The following EML4 variants were observed in gnomAD, a reference collection of about 807,000 sequenced individuals.
The protein encoded by EML4 is EMAP like 4, also known as echinoderm microtubule-associated protein-like 4.
A neutral mutation model predicts 129.0 loss-of-function variants in EML4; 72 were observed. The observed-to-expected ratio is 0.56, with a 90% CI of 0.46 to 0.68. The LOEUF (loss-of-function observed/expected upper bound fraction) is 0.68. Ranked by LOEUF, EML4 falls within the 30% of genes least tolerant of loss-of-function variation. The pLI is 0.00. For synonymous variants in EML4, 532 were observed against 405.0 expected (o/e 1.31, Z -3.77); for missense variants, 1,363 against 1,190.6 (o/e 1.14, Z -2.13).
At position 42,331,176 on chromosome 2, in the gene EML4, G is replaced by A. The variant is rs1226315969; in HGVS notation, c.*969G>A. 1.4e-5 allele frequency: 3 copies of A among 219,042 alleles called. No homozygotes were observed. The highest frequency in any genetic ancestry group is 6.7e-5 in the African/African-American group (3 of 44,526). The allele number at this position is 219,042 out of a possible 1,614,324, so 13.6% of individuals were successfully genotyped here. On this transcript the variant is annotated 3_prime_UTR_variant, in exon 23 of 23. Transcript: ENST00000318522. ...TTGAATTGGTGCTTGAAATTTATTG[G>A]TTTTGTTGTAATTTTATACAGATTA... is the stretch of plus-strand genomic sequence containing the variant.
intron 2 of EML4, among the ~76,000 whole-genome samples, chr2:42,249,102 TC>T (rs1675604844): frequency 6.6e-6 from 1 of 152,182 alleles, no homozygotes; most frequent in Non-Finnish European, 1.5e-5. Context: ...ATAGATCATC[TC>T]AGTTTTGATA....
At chr2:42,230,440 A>G (rs537653225) in intron 1 of EML4, among the ~76,000 whole-genome samples, 1 of 152,024 alleles carries the variant, frequency 6.6e-6, no homozygotes, top group East Asian at 1.9e-4. Flanking sequence ...AGAGTCTTTT[A>G]CTGTTGCACA....
chr2:42,202,154 G>A (rs140648599), intron 1 of EML4, among the ~76,000 whole-genome samples: 1 of 152,224 alleles, frequency 6.6e-6, no homozygotes, highest in African/African-American at 2.4e-5. Flanking sequence ...ACAGGGAAAG[G>A]AGAGGCGTTG....
chr2:42,265,135 G>A (rs895730960), intron 6 of EML4, among the ~76,000 whole-genome samples: 1 of 152,046 alleles, frequency 6.6e-6, no homozygotes, highest in Non-Finnish European at 1.5e-5. Context: ...CTGTTGCCCA[G>A]GGTGGAATGC....
chr2:42,324,626 A>C (rs1390802977), intron 19 of EML4, among the ~76,000 whole-genome samples: 2 of 152,210 alleles, frequency 1.3e-5, no homozygotes, highest in Non-Finnish European at 2.9e-5. Context: ...CTCAAAAAAA[A>C]AGTTAGTAAT....
At chr2:42,220,719 A>G (rs1023035248) in intron 1 of EML4, among the ~76,000 whole-genome samples, 1 of 152,220 alleles carries the variant, frequency 6.6e-6, no homozygotes, top group Non-Finnish European at 1.5e-5. Context: ...AAGCTGAGAT[A>G]GGCTGAAAGC....
At chr2:42,194,935 C>G (rs1445239591) in intron 1 of EML4, among the ~76,000 whole-genome samples, 1 of 152,014 alleles carries the variant, frequency 6.6e-6, no homozygotes, top group East Asian at 1.9e-4. Context: ...TAATTTTTTT[C>G]TTACAAATAT....
chr2:42,209,657 C>T (rs1483246372), intron 1 of EML4, among the ~76,000 whole-genome samples: 2 of 152,204 alleles, frequency 1.3e-5, no homozygotes, highest in Admixed American at 6.5e-5. Context: ...TGGCCAGACA[C>T]GGTGGCTCAC....
intron 1 of EML4, among the ~76,000 whole-genome samples, chr2:42,194,418 G>C (rs1443026331): frequency 1.4e-5 from 2 of 143,890 alleles, no homozygotes; most frequent in African/African-American, 2.6e-5. Context: ...TTTTTTGTCA[G>C]AAAATATTTT....
At chr2:42,249,250 A>G (rs919766402) in intron 2 of EML4, among the ~76,000 whole-genome samples, 44 of 151,842 alleles carry the variant, frequency 2.9e-4, no homozygotes, top group African/African-American at 1.0e-3. Flanking sequence ...TCTTTAATTA[A>G]AAAGTAAAGT....
chr2:42,295,072 T>G, intron 11 of EML4, 53 bp from the exon 12 acceptor site: 1 of 1,466,840 alleles, frequency 6.8e-7, no homozygotes, highest in Admixed American at 2.4e-5. Flanking sequence ...GAATTGATAC[T>G]TGAAGGAGAT....
intron 1 of EML4, among the ~76,000 whole-genome samples, chr2:42,213,478 G>GA (rs756942752): frequency 6.6e-6 from 1 of 152,086 alleles, no homozygotes; most frequent in East Asian, 1.9e-4. Flanking sequence ...TAACCATGAA[G>GA]AAAAAATAAA....
chr2:42,198,644 G>A (rs1432295790), intron 1 of EML4, among the ~76,000 whole-genome samples: 7 of 152,224 alleles, frequency 4.6e-5, no homozygotes, highest in African/African-American at 1.2e-4. Context: ...TTTGAAAGAG[G>A]AAGTGAGGAC....
intron 1 of EML4, among the ~76,000 whole-genome samples, chr2:42,200,153 C>CAAAAAAAAAAAA (rs11421705): frequency 5.9e-5 from 5 of 84,432 alleles, no homozygotes; most frequent in African/African-American, 1.6e-4. Context: ...ACTAAAAATA[C>CAAAAAAAAAAAA]AAAAAAAAAA....
At chr2:42,206,585 T>C (rs1176583837) in intron 1 of EML4, among the ~76,000 whole-genome samples, 1 of 152,204 alleles carries the variant, frequency 6.6e-6, no homozygotes. Flanking sequence ...GAACTGTTCG[T>C]GAGCCTTTTT....
intron 1 of EML4, among the ~76,000 whole-genome samples, chr2:42,198,048 T>C (rs776679612): frequency 1.2e-4 from 19 of 152,178 alleles, no homozygotes; most frequent in Non-Finnish European, 1.8e-4. Context: ...GTGGTACTAA[T>C]ACAAGTACCT....
At chr2:42,229,522 GACAGATAACTGTCTTGCA>G (rs1351133979) in intron 1 of EML4, among the ~76,000 whole-genome samples, 1 of 152,022 alleles carries the variant, frequency 6.6e-6, no homozygotes, top group African/African-American at 2.4e-5. Context: ...CATAAAGCAA[GACAGATAACTGTCTTGCA>G]AGAGTCACCC....
rs1468476937 is a variant in EML4 at position 42,169,598 on chromosome 2, G to A, written c.-14G>A. On this transcript the variant is annotated 5_prime_UTR_variant, in exon 1 of 23. Transcript: ENST00000318522. The stretch of plus-strand genomic sequence containing the variant: ...CGCCCCTCTAAGCCCGGAGCCCGGC[G>A]CTTTCCCCGCAAGATGGACGGTTTC... The A allele has an allele frequency of 1.9e-6, 3 of 1,598,358 alleles. No individual in the cohort carries two copies. In the South Asian group the frequency reaches 3.3e-5, roughly 18 times the overall value.
chr2:42,316,498 A>G (rs1669252031), intron 18 of EML4, among the ~76,000 whole-genome samples: 1 of 152,260 alleles, frequency 6.6e-6, no homozygotes, highest in Non-Finnish European at 1.5e-5. Flanking sequence ...TCGGTTACAT[A>G]GTAATGATTG....
Sources: gnomAD v4.1 joint callset for allele counts (sites outside exome capture counted in the v4.1 genomes callset) on GRCh38, gnomAD v4.1.1 for gene constraint, MANE v1.5 for transcripts, NCBI Gene and HGNC (gene_info 2026-07-23, HGNC 2026-07-21) for gene names.